Variants in NXPE2 observed in about 807,000 individuals in gnomAD.
NXPE2 encodes the protein neurexophilin and PC-esterase domain family member 2.
NXPE2 carries 34 observed loss-of-function variants against 34.4 expected under a neutral mutation model. The observed-to-expected ratio is 0.99, with a 90% CI of 0.75 to 1.31. NXPE2 has a LOEUF of 1.31. NXPE2 is among the 40% of genes most tolerant of loss of function. The probability of loss-of-function intolerance (pLI) is 0.00; values close to 1 mark genes in which losing one functional copy is unlikely to be tolerated. For missense variants in NXPE2, 649 were observed against 672.5 expected, an observed-to-expected ratio of 0.97 and a Z score of 0.39; for synonymous variants, 235 against 231.3, an observed-to-expected ratio of 1.02 and a Z score of -0.15.
the NXPE2 span, among the ~76,000 whole-genome samples, chr11:114,807,052 A>T: frequency 3.3e-5 from 5 of 151,876 alleles, no homozygotes; most frequent in Non-Finnish European, 1.5e-5. Flanking sequence ...TTCTTAAAGA[A>T]AAGAACTTTC....
At chr11:114,490,346 GA>G in the NXPE2 span, among the ~76,000 whole-genome samples, 2 of 151,960 alleles carry the variant, frequency 1.3e-5, no homozygotes, top group African/African-American at 4.8e-5. Context: ...CACAGAATTG[GA>G]AAAAACTAAA....
chr11:114,578,536 C>T, the NXPE2 span, among the ~76,000 whole-genome samples: 1 of 152,138 alleles, frequency 6.6e-6, no homozygotes, highest in Admixed American at 6.5e-5. Context: ...AAAGCTCTTC[C>T]TTCCATTGAG....
chr11:114,753,105 T>A, the NXPE2 span, among the ~76,000 whole-genome samples: 4 of 152,192 alleles, frequency 2.6e-5, no homozygotes, highest in Admixed American at 6.5e-5. Flanking sequence ...GAGTGTCAAA[T>A]GCTAGTGAAA....
chr11:114,688,100 T>C (rs1410102649), intron 2 of NXPE2, among the ~76,000 whole-genome samples: 1 of 152,058 alleles, frequency 6.6e-6, no homozygotes, highest in African/African-American at 2.4e-5. Context: ...TCCTGCCTGA[T>C]TACTCTGGTT....
chr11:114,652,519 C>T, the NXPE2 span, among the ~76,000 whole-genome samples: 1 of 152,168 alleles, frequency 6.6e-6, no homozygotes, highest in Non-Finnish European at 1.5e-5. Flanking sequence ...TGGAATTCAT[C>T]TCTAAGGGCT....
the NXPE2 span, among the ~76,000 whole-genome samples, chr11:114,604,303 A>C: frequency 1.3e-5 from 2 of 149,186 alleles, no homozygotes; most frequent in African/African-American, 2.5e-5. Context: ...CGTGGGTAAC[A>C]ATTCTTACCC....
chr11:114,730,417 T>C, the NXPE2 span, among the ~76,000 whole-genome samples: 12 of 152,274 alleles, frequency 7.9e-5, no homozygotes, highest in Non-Finnish European at 1.2e-4. Flanking sequence ...TTTAGAATAG[T>C]ATTTTTCTAA....
the NXPE2 span, among the ~76,000 whole-genome samples, chr11:114,575,218 A>G: frequency 1.3e-5 from 2 of 152,110 alleles, no homozygotes; most frequent in Non-Finnish European, 2.9e-5. Flanking sequence ...ATCTACAACA[A>G]ACCCCTAGCC....
At chr11:114,663,630 TATCTATCATCTATCC>T in the NXPE2 span, among the ~76,000 whole-genome samples, 1 of 109,624 alleles carries the variant, frequency 9.1e-6, no homozygotes, top group African/African-American at 3.3e-5. Flanking sequence ...TCTATCTATC[TATCTATCATCTATCC>T]ATCTATCATC....
At chr11:114,743,915 A>T in the NXPE2 span, among the ~76,000 whole-genome samples, 3 of 151,156 alleles carry the variant, frequency 2.0e-5, no homozygotes, top group Admixed American at 6.6e-5. Flanking sequence ...GTATATTTAC[A>T]CATATATGTA....
the NXPE2 span, among the ~76,000 whole-genome samples, chr11:114,803,664 C>T: frequency 6.6e-6 from 1 of 151,932 alleles, no homozygotes; most frequent in Non-Finnish European, 1.5e-5. Context: ...GCAACCTCCA[C>T]CTCCTGGGTT....
the NXPE2 span, among the ~76,000 whole-genome samples, chr11:114,603,665 C>G: frequency 2.0e-5 from 3 of 151,464 alleles, no homozygotes; most frequent in Non-Finnish European, 2.9e-5. Context: ...AGTATTGCCT[C>G]GTCTCTTGGG....
At chr11:114,808,239 C>T in the NXPE2 span, among the ~76,000 whole-genome samples, 9 of 152,082 alleles carry the variant, frequency 5.9e-5, no homozygotes, top group African/African-American at 1.7e-4. Context: ...CAAGAGGAAG[C>T]AGGAAAGATC....
At chr11:114,713,006 G>A in the NXPE2 span, among the ~76,000 whole-genome samples, 8 of 152,158 alleles carry the variant, frequency 5.3e-5, no homozygotes, top group South Asian at 4.1e-4. Context: ...GATATTATGC[G>A]AAGTGGAAGA....
At chr11:114,764,136 C>T in the NXPE2 span, among the ~76,000 whole-genome samples, 1 of 152,154 alleles carries the variant, frequency 6.6e-6, no homozygotes, top group Non-Finnish European at 1.5e-5. Flanking sequence ...TCTTCCCACC[C>T]TACCTTACTG....
At chr11:114,595,269 C>A in the NXPE2 span, among the ~76,000 whole-genome samples, 1 of 152,088 alleles carries the variant, frequency 6.6e-6, no homozygotes, top group Non-Finnish European at 1.5e-5. Flanking sequence ...TCTAGCACCC[C>A]CTCAAGCTTG....
chr11:114,784,909 G>C, the NXPE2 span, among the ~76,000 whole-genome samples: 1 of 152,120 alleles, frequency 6.6e-6, no homozygotes, highest in African/African-American at 2.4e-5. Flanking sequence ...GGGTGGGGAA[G>C]ATTGAAACCT....
At chr11:114,769,687 A>G in the NXPE2 span, among the ~76,000 whole-genome samples, 1 of 152,204 alleles carries the variant, frequency 6.6e-6, no homozygotes, top group Non-Finnish European at 1.5e-5. Context: ...TGTGGAAACC[A>G]TCATTCTCAG....
At chr11:114,583,226 G>C in the NXPE2 span, 1 of 696,738 alleles carries the variant, frequency 1.4e-6, no homozygotes, top group African/African-American at 1.8e-5. Flanking sequence ...ACTGACAGGA[G>C]AGACAGAGGG....
Sources: gnomAD v4.1 joint callset for allele counts (sites outside exome capture counted in the v4.1 genomes callset) on GRCh38, gnomAD v4.1.1 for gene constraint, MANE v1.5 for transcripts, NCBI Gene and HGNC (gene_info 2026-07-23, HGNC 2026-07-21) for gene names.